Variants in FGF17 observed in about 807,000 individuals in gnomAD.
FGF17 encodes fibroblast growth factor 17.
A neutral mutation model predicts 23.5 loss-of-function variants in FGF17; 5 were observed. The observed-to-expected ratio is 0.21, with a 90% CI of 0.11 to 0.45. The LOEUF (loss-of-function observed/expected upper bound fraction) is 0.45. Ranked by LOEUF, FGF17 falls within the 20% of genes least tolerant of loss-of-function variation. FGF17 has a pLI of 0.99. For synonymous variants in FGF17, 136 were observed against 123.0 expected (o/e 1.11, Z -0.70); for missense variants, 221 against 306.9 (o/e 0.72, Z 2.09).
intron 2 of FGF17, among the ~76,000 whole-genome samples, chr8:22,044,404 G>A (rs996696196): frequency 2.0e-5 from 3 of 152,118 alleles, no homozygotes; most frequent in Middle Eastern, 3.4e-3. Flanking sequence ...GCTAGGTCCC[G>A]CGGGGAGAGG....
rs760299097 is a variant in FGF17 at position 22,042,969 on chromosome 8, T to C, written c.35+6T>C. The C allele has an allele frequency of 2.5e-6, 4 of 1,612,918 alleles. No individual in the cohort carries two copies. Among genetic ancestry groups the C allele is most frequent in the Non-Finnish European group, 3.4e-6 (4 of 1,179,616 alleles). On this transcript the variant is annotated splice_donor_region_variant and intron_variant, in intron 1 of 4. Coordinates refer to ENST00000359441, the MANE Select transcript of FGF17 (RefSeq NM_003867.4). ...CTGCTGCCCAACCTCACTCTGTAAGTGTGCTACCTCTCCCACTGGAGTTTC... is the reference window on the plus strand; with the variant it reads ...CTGCTGCCCAACCTCACTCTGTAAGCGTGCTACCTCTCCCACTGGAGTTTC...
intron 2 of FGF17, chr8:22,045,026 C>CT: frequency 3.0e-6 from 3 of 985,620 alleles, no homozygotes; most frequent in Non-Finnish European, 3.6e-6. Flanking sequence ...AAGGTACATT[C>CT]TCATGCTAGA....
At chr8:22,040,038 C>A (rs1399299140), upstream of FGF17, among the ~76,000 whole-genome samples, 1 of 152,000 alleles carries the variant, frequency 6.6e-6, no homozygotes, top group Admixed American at 6.6e-5. Context: ...TGAACCCCAC[C>A]CCCCCAGCAA....
Position 22,048,536 on chromosome 8 carries a change from C to G in FGF17, c.*287C>G, listed in dbSNP as rs1801019555. ...GGCCTCCCAGCCGGGCTCCTGAAGC[C>G]CGCTGAAAGGTCAGCGACTGAAGGC... On this transcript the variant is annotated 3_prime_UTR_variant, in exon 5 of 5. Transcript: ENST00000359441. This position sits in a 1 kb window ranked among gnomAD's most constrained non-coding sequence, Gnocchi z 6.9. The G allele has an allele frequency of 8.4e-6, 4 of 474,166 alleles. No individual in the cohort carries two copies. The highest frequency in any genetic ancestry group is 2.0e-5 in the African/African-American group (1 of 50,656). 29.4% of individuals were successfully genotyped at this position (474,166 alleles called of 1,614,324 possible). A position where few individuals can be genotyped will look rare whatever the true frequency, so the allele number is the denominator to read the frequency against.
upstream of FGF17, among the ~76,000 whole-genome samples, chr8:22,040,255 A>G (rs1180179768): frequency 6.6e-6 from 1 of 152,170 alleles, no homozygotes; most frequent in Non-Finnish European, 1.5e-5. Flanking sequence ...CCCTGCTGGT[A>G]GCCATTTCCT....
chr8:22,047,838 G>A (rs1474847026), intron 4 of FGF17, 118 bp from the exon 5 acceptor site: 3 of 991,380 alleles, frequency 3.0e-6, no homozygotes, highest in Non-Finnish European at 4.4e-6. Flanking sequence ...AGTTCCCTGG[G>A]CTCACGGCCC....
chr8:22,040,714 A>G (rs1800724098), upstream of FGF17, among the ~76,000 whole-genome samples: 1 of 152,206 alleles, frequency 6.6e-6, no homozygotes, highest in Non-Finnish European at 1.5e-5. Context: ...GACAGCATAA[A>G]TTGGAACCGT....
At chr8:22,043,012 C>T in intron 1 of FGF17, 49 bp downstream of exon 1, 1 of 1,607,470 alleles carries the variant, frequency 6.2e-7, no homozygotes, top group Non-Finnish European at 8.5e-7. Context: ...TTTCCAGCCT[C>T]AGGGCAGCCC....
upstream of FGF17, among the ~76,000 whole-genome samples, chr8:22,039,733 A>G (rs1800711046): frequency 6.6e-6 from 1 of 152,088 alleles, no homozygotes; most frequent in Non-Finnish European, 1.5e-5. Context: ...CGTCTCAAAA[A>G]AGAAAAATTT....
chr8:22,045,277 A>G (rs1033172786), intron 2 of FGF17: 1 of 985,858 alleles, frequency 1.0e-6, no homozygotes, highest in Non-Finnish European at 1.2e-6. Context: ...CCTCTGTTAC[A>G]TTGTGGCTAA....
rs1182566999 is a variant in FGF17 at position 22,048,090 on chromosome 8, C to G, written c.492C>G (p.Arg164=). 1 of 1,612,906 alleles carries G rather than the reference C, an allele frequency of 6.2e-7. No individual in the cohort carries two copies. Among genetic ancestry groups the G allele is most frequent in the South Asian group, 1.1e-5 (1 of 91,058 alleles). The part of the protein sequence containing the change: ...TRQGRPRQAS[R]SRQNQREAHF... Reference sequence around the variant, plus strand: ...AGGGGCGGCCCCGCCAGGCTTCCCGCAGCCGCCAGAACCAGCGCGAGGCCC... The same window carrying G: ...AGGGGCGGCCCCGCCAGGCTTCCCGGAGCCGCCAGAACCAGCGCGAGGCCC... Residue 164 remains arginine (R), a synonymous_variant, in exon 5 of 5, where the codon CGC becomes CGG. Coordinates refer to ENST00000359441, the MANE Select transcript of FGF17 (RefSeq NM_003867.4). This position sits in a 1 kb window ranked among gnomAD's most constrained non-coding sequence, Gnocchi z 6.9.
intron 4 of FGF17, among the ~76,000 whole-genome samples, chr8:22,047,523 C>G (rs1022351390): frequency 2.0e-5 from 3 of 152,178 alleles, no homozygotes; most frequent in African/African-American, 7.2e-5. Flanking sequence ...GGGCACAGAC[C>G]CCTGATTGCA....
At chr8:22,047,121 A>G (rs1800904940) in intron 4 of FGF17, among the ~76,000 whole-genome samples, 1 of 152,032 alleles carries the variant, frequency 6.6e-6, no homozygotes. Flanking sequence ...CCGGGACTCT[A>G]TTAGCCCTCT....
chr8:22,044,618 C>T (rs1181273088), intron 2 of FGF17: 1 of 944,006 alleles, frequency 1.1e-6, no homozygotes, highest in Non-Finnish European at 1.3e-6. Flanking sequence ...ACCCCACCCC[C>T]TGGAAGGGAG....
upstream of FGF17, among the ~76,000 whole-genome samples, chr8:22,039,851 G>T (rs1395735818): frequency 1.3e-5 from 2 of 151,640 alleles, no homozygotes; most frequent in Non-Finnish European, 2.9e-5. Context: ...GGTGGGCTGG[G>T]CTCAAGCAGG....
Position 22,048,162 on chromosome 8 carries a change from C to A in FGF17, c.564C>A (p.His188Gln). 6.2e-7 allele frequency: 1 copy of A among 1,613,284 alleles called. No individual in the cohort carries two copies. Among genetic ancestry groups the A allele is most frequent in the East Asian group, 2.2e-5 (1 of 44,866 alleles). ...AAGGCCAGCTGCCCTTCCCCAACCA[C>A]GCCGAGAAGCAGAAGCAGTTCGAGT... is the stretch of plus-strand genomic sequence containing the variant. ...LYQGQLPFPN[H>Q]AEKQKQFEFV... Residue 188 changes from histidine to glutamine, a missense_variant, in exon 5 of 5, where the codon CAC becomes CAA. His to Gln is a conservative substitution (Grantham distance 24, BLOSUM62 0). Around this residue, in one of 3 missense-constraint regions of FGF17, gnomAD observed 128 missense variants for 150.4 expected, o/e 0.85. Coordinates refer to ENST00000359441, the MANE Select transcript of FGF17 (RefSeq NM_003867.4). This position sits in a 1 kb window ranked among gnomAD's most constrained non-coding sequence, Gnocchi z 6.9.
intron 3 of FGF17, 81 bp downstream of exon 3, chr8:22,046,372 C>G (rs911414025): frequency 2.6e-6 from 4 of 1,537,582 alleles, no homozygotes; most frequent in Non-Finnish European, 3.5e-6. Flanking sequence ...TGGTCCATCC[C>G]CAGATCCTGT....
upstream of FGF17, among the ~76,000 whole-genome samples, chr8:22,040,954 C>G (rs949949025): frequency 2.6e-5 from 4 of 152,168 alleles, no homozygotes; most frequent in Non-Finnish European, 2.9e-5. Context: ...CCTGAAGGAT[C>G]CGCAGGGGGA....
chr8:22,048,245 C>T lies in FGF17; in HGVS notation c.647C>T (p.Thr216Met). The change falls in exon 5 of 5, where the codon ACG becomes ATG. Residue 216 changes from threonine to methionine, a missense_variant. Physicochemically the swap from Thr to Met is moderately conservative, Grantham distance 81 (BLOSUM62 -1). Coordinates refer to ENST00000359441, the MANE Select transcript of FGF17 (RefSeq NM_003867.4). This position sits in a 1 kb window ranked among gnomAD's most constrained non-coding sequence, Gnocchi z 6.9. ...TKRTRRPQPL[T>M] ...CGCACACGGCGGCCCCAGCCCCTCA[C>T]GTAGTCTGGGAGGCAGGGGGCAGCA... 2.5e-6 allele frequency: 4 copies of T among 1,601,472 alleles called. No homozygotes were observed. The highest frequency in any genetic ancestry group is 2.7e-5 in the African/African-American group (2 of 74,808).
Sources: gnomAD v4.1 joint callset for allele counts (sites outside exome capture counted in the v4.1 genomes callset) on GRCh38, gnomAD v4.1.1 for gene constraint, gnomAD v4.1.1 regional missense constraint, Gnocchi (gnomAD v3.1) non-coding constraint, MANE v1.5 for transcripts, NCBI Gene and HGNC (gene_info 2026-07-23, HGNC 2026-07-21) for gene names.